Variants in KCTD15 observed in about 807,000 individuals in gnomAD.
The protein encoded by KCTD15 is potassium channel tetramerization domain containing 15.
In KCTD15, 11 loss-of-function variants were observed where a neutral mutation model predicts 27.2. The observed-to-expected ratio is 0.41, with a 90% CI of 0.25 to 0.67. KCTD15 has a LOEUF of 0.67. KCTD15 is among the 30% of genes least tolerant of loss of function. KCTD15 has a pLI of 0.35. For missense variants in KCTD15, 350 were observed against 409.3 expected, an observed-to-expected ratio of 0.86 and a Z score of 1.25; for synonymous variants, 163 against 176.0, an observed-to-expected ratio of 0.93 and a Z score of 0.58.
intron 5 of KCTD15, among the ~76,000 whole-genome samples, chr19:33,809,169 C>T (rs969457720): frequency 2.0e-5 from 3 of 151,856 alleles, no homozygotes; most frequent in Admixed American, 1.3e-4. Context: ...CCCAGCTACT[C>T]GGGAGACTGA....
chr19:33,797,300 G>A, intron 1 of KCTD15: 1 of 373,484 alleles, frequency 2.7e-6, no homozygotes, highest in Non-Finnish European at 5.3e-6. Context: ...GCGCGCGCGC[G>A]CGCTTGTGGA....
At chr19:33,812,692 C>T in intron 6 of KCTD15, 98 bp from the exon 7 acceptor site, 1 of 1,394,348 alleles carries the variant, frequency 7.2e-7, no homozygotes, top group Admixed American at 3.5e-5. Context: ...AGAAGGTGCC[C>T]TTGCTGGCTG....
At chr19:33,804,357 G>A (rs1474164169) in intron 4 of KCTD15, among the ~76,000 whole-genome samples, 1 of 152,244 alleles carries the variant, frequency 6.6e-6, no homozygotes, top group African/African-American at 2.4e-5. Context: ...GCCCTGGAAT[G>A]TGGGTGCATC....
chr19:33,800,972 A>G (rs183093592), intron 3 of KCTD15, among the ~76,000 whole-genome samples, 195 bp from the exon 4 acceptor site: 12 of 152,328 alleles, frequency 7.9e-5, no homozygotes, highest in Middle Eastern at 6.8e-3. Context: ...GGTACTTTGA[A>G]GAAAATGATG....
At chr19:33,808,801 C>G (rs1239624070) in intron 5 of KCTD15, among the ~76,000 whole-genome samples, 1 of 152,002 alleles carries the variant, frequency 6.6e-6, no homozygotes, top group Non-Finnish European at 1.5e-5. Context: ...TTTGGATGGA[C>G]CAGGATGGAG....
chr19:33,800,778 A>C (rs777436298), intron 3 of KCTD15, among the ~76,000 whole-genome samples: 2 of 152,180 alleles, frequency 1.3e-5, no homozygotes, highest in Non-Finnish European at 2.9e-5. Context: ...ACTTGCAAAA[A>C]ACCCCTGAAT....
intron 4 of KCTD15, chr19:33,801,572 A>G (rs1975547688): frequency 2.3e-6 from 1 of 432,030 alleles, no homozygotes; most frequent in Non-Finnish European, 4.1e-6. Context: ...TGGTAGTGCA[A>G]GGTGGAGCTC....
chr19:33,799,574 G>C (rs554286188), intron 2 of KCTD15: 1 of 152,392 alleles, frequency 6.6e-6, no homozygotes, highest in Admixed American at 6.5e-5. Flanking sequence ...TCCAGGGACT[G>C]AGGGACAATC....
upstream of KCTD15, chr19:33,796,550 C>T (rs1198895900): frequency 6.6e-6 from 1 of 150,446 alleles, no homozygotes; most frequent in Non-Finnish European, 1.5e-5. Context: ...GATCGCTGCC[C>T]TTTACGTCCG....
rs761646636 is a variant in KCTD15, at chr19:33,801,392, T to A, written c.242+50T>A. ...CAGGCATGTGTGGGTCAGGGCAGCA[T>A]CTGTAATCTGCTGCCTAGGGGGTGG... is the stretch of plus-strand genomic sequence containing the variant. On this transcript the variant is annotated intron_variant, in intron 4 of 6. Transcript: ENST00000683859. The A allele has an allele frequency of 1.1e-5, 16 of 1,488,574 alleles. No homozygotes were observed. In the African/African-American group the frequency reaches 2.2e-4, roughly 21 times the overall value. 92.2% of individuals were successfully genotyped at this position (1,488,574 alleles called of 1,614,324 possible).
rs180769861 is a variant in KCTD15, at chr19:33,812,955, C to T, written c.*7C>T. The T allele has an allele frequency of 6.5e-7, 1 of 1,539,936 alleles. No individual in the cohort carries two copies. The highest frequency in any genetic ancestry group is 1.4e-5 in the African/African-American group (1 of 72,880). On this transcript the variant is annotated 3_prime_UTR_variant, in exon 7 of 7. Coordinates refer to ENST00000683859, the MANE Select transcript of KCTD15 (RefSeq NM_001129994.2). ...GCAGGAACCCCTGGACTAGGCCCTG[C>T]TTCAGTGCCCACCTGGGCCCCCCCA...
chr19:33,800,576 C>T, intron 3 of KCTD15, 56 bp downstream of exon 3: 3 of 1,481,472 alleles, frequency 2.0e-6, no homozygotes, highest in Non-Finnish European at 2.8e-6. Flanking sequence ...TCCCTTCTTC[C>T]CCAGTGCCTG....
chr19:33,804,777 A>G (rs1486875784), intron 4 of KCTD15, among the ~76,000 whole-genome samples: 1 of 152,064 alleles, frequency 6.6e-6, no homozygotes, highest in Non-Finnish European at 1.5e-5. Flanking sequence ...CTGCAGTGCC[A>G]TTGTCACCAG....
chr19:33,806,112 A>G (rs1459695841), intron 4 of KCTD15, among the ~76,000 whole-genome samples: 1 of 152,160 alleles, frequency 6.6e-6, no homozygotes, highest in African/African-American at 2.4e-5. Flanking sequence ...GCGTGTGTGT[A>G]TGCCTGTGTT....
chr19:33,810,960 G>A (rs1975880958), intron 5 of KCTD15, among the ~76,000 whole-genome samples: 1 of 152,120 alleles, frequency 6.6e-6, no homozygotes, highest in African/African-American at 2.4e-5. Context: ...GTCTTTCCAT[G>A]GGGAGGCTTC....
intron 6 of KCTD15, 183 bp from the exon 7 acceptor site, chr19:33,812,607 T>TC: frequency 6.2e-6 from 8 of 1,295,002 alleles, no homozygotes; most frequent in Non-Finnish European, 7.8e-6. Context: ...GCCACTTCTG[T>TC]CCCTCTGGTG....
chr19:33,794,074 G>A (rs1482355807), upstream of KCTD15, among the ~76,000 whole-genome samples: 4 of 151,156 alleles, frequency 2.6e-5, no homozygotes, highest in Admixed American at 2.6e-4. Context: ...TTGGTATAAA[G>A]TGAAACTCTT....
chr19:33,798,959 C>G (rs545302820), intron 2 of KCTD15, among the ~76,000 whole-genome samples, 193 bp downstream of exon 2: 1 of 152,318 alleles, frequency 6.6e-6, no homozygotes, highest in South Asian at 2.1e-4. Context: ...TTCAGTTTAT[C>G]CTCAGCGCGT....
chr19:33,812,582 G>C, intron 6 of KCTD15: 1 of 1,279,822 alleles, frequency 7.8e-7, no homozygotes, highest in Non-Finnish European at 9.8e-7. Context: ...CTAACCTGAG[G>C]GGTCACTGGG....
Sources: gnomAD v4.1 joint callset for allele counts (sites outside exome capture counted in the v4.1 genomes callset) on GRCh38, gnomAD v4.1.1 for gene constraint, MANE v1.5 for transcripts, NCBI Gene and HGNC (gene_info 2026-07-23, HGNC 2026-07-21) for gene names.